The following IQCF1 variants were observed in gnomAD, a reference collection of about 807,000 sequenced individuals.
IQCF1 encodes IQ domain-containing protein F1.
Under a neutral mutation model 12.5 loss-of-function variants are expected in IQCF1, and 9 were observed. The ratio of observed to expected loss-of-function variants is 0.72; its 90% confidence interval spans 0.43 to 1.26. The LOEUF is 1.26. IQCF1 is among the 50% of genes most tolerant of loss of function. The pLI is 0.00. For synonymous variants in IQCF1, 67 were observed against 96.2 expected (o/e 0.70, Z 1.78); for missense variants, 252 against 257.4 (o/e 0.98, Z 0.14).
At position 51,894,898 on chromosome 3, in the gene IQCF1, T is replaced by A. The variant is rs780319813; in HGVS notation, c.610A>T (p.Lys204Ter). The A allele has an allele frequency of 7.4e-6, 12 of 1,613,154 alleles. No individual in the cohort carries two copies. The highest frequency in any genetic ancestry group is 9.3e-6 in the Non-Finnish European group (11 of 1,179,476). The change falls in exon 4 of 4, where the codon AAG becomes TAG. Residue 204 changes from lysine to a stop codon, truncating the protein, a stop_gained. Transcript: ENST00000310914. LOFTEE classifies it high-confidence loss of function. The stretch of plus-strand genomic sequence containing the variant: ...ATCTGGAAAAGACCACTTCATTCCT[T>A]TATTGAGAAGGGAATACACTCTGTC... ...IVTECIPFSI[K>*]E
At chr3:51,902,950 G>A (rs201563975) in intron 2 of IQCF1, 35 bp downstream of exon 2, 2 of 1,479,520 alleles carry the variant, frequency 1.4e-6, no homozygotes, top group East Asian at 4.5e-5. Context: ...ACTAGGACAT[G>A]GGATCAATGA....
In IQCF1 at chr3:51,900,789, G is replaced by C. The variant is rs557323406; in HGVS notation, c.108+2196C>G. Among the ~76,000 whole-genome samples the C allele has an allele frequency of 3.3e-5, 5 of 152,284 alleles. No homozygotes were observed. Among genetic ancestry groups the C allele is most frequent in the African/African-American group, 1.2e-4 (5 of 41,548 alleles). On this transcript the variant is annotated intron_variant, in intron 2 of 3. Coordinates refer to ENST00000310914, the MANE Select transcript of IQCF1 (RefSeq NM_152397.3). This position sits in a 1 kb window ranked among gnomAD's most constrained non-coding sequence, Gnocchi z 4.2. ...CCCACTAACTGTCAGCTAAACCAGT[G>C]CAATCCTATACAGGTTATTACCTTG...
At chr3:51,902,443 A>G (rs997741237) in intron 2 of IQCF1, among the ~76,000 whole-genome samples, 1 of 152,136 alleles carries the variant, frequency 6.6e-6, no homozygotes, top group African/African-American at 2.4e-5. Context: ...TTTGCCTTCT[A>G]CTTTTAAACT....
rs1698995925 is a variant in IQCF1 at position 51,895,758 on chromosome 3, A to G, written c.172-422T>C. Among the ~76,000 whole-genome samples, 1 of 151,930 alleles carries G rather than the reference A, an allele frequency of 6.6e-6. No homozygotes were observed. The highest frequency in any genetic ancestry group is 2.1e-4 in the South Asian group (1 of 4,814). ...CGGCCCTGCCTTCTCATCCCTGACA[A>G]CCGTTCATAGCCACAGCCTGTTCTC... On this transcript the variant is annotated intron_variant, in intron 3 of 3. Transcript: ENST00000310914. This position sits in a 1 kb window ranked among gnomAD's most constrained non-coding sequence, Gnocchi z 4.8.
Position 51,903,089 on chromosome 3 carries a change from C to A in IQCF1, c.4G>T (p.Glu2Ter). 1 of 1,613,982 alleles carries A rather than the reference C, an allele frequency of 6.2e-7. No individual in the cohort carries two copies. Among genetic ancestry groups the A allele is most frequent in the Non-Finnish European group, 8.5e-7 (1 of 1,179,852 alleles). M[E>*]EKQPQKTKEP... ...TTCGTCTTTTGGGGCTGCTTCTCCT[C>A]CTGCAATCAGCATTAGGGGAAAGGC... Residue 2 changes from glutamate to a stop codon, truncating the protein, a stop_gained and splice_region_variant, in exon 2 of 4, where the codon GAG (glutamate) becomes TAG (stop). Transcript: ENST00000310914. LOFTEE classifies it high-confidence loss of function.
chr3:51,902,947 C>T, intron 2 of IQCF1, 38 bp downstream of exon 2: 2 of 1,459,298 alleles, frequency 1.4e-6, no homozygotes, highest in East Asian at 4.5e-5. Flanking sequence ...AGCACTAGGA[C>T]ATGGGATCAA....
chr3:51,895,542 A>C lies in IQCF1; in HGVS notation c.172-206T>G, dbSNP rs546276275. 6.6e-6 allele frequency among the ~76,000 whole-genome samples: 1 copy of C among 152,322 alleles called. No homozygotes were observed. Among genetic ancestry groups the C allele is most frequent in the East Asian group, 1.9e-4 (1 of 5,178 alleles). ...CTGGTTGATAGCCACAAGCACAACAACTTGCCCCTGGGTCTCAGTGTCCTC... is the reference window on the plus strand; with the variant it reads ...CTGGTTGATAGCCACAAGCACAACACCTTGCCCCTGGGTCTCAGTGTCCTC... On this transcript the variant is annotated intron_variant, in intron 3 of 3. Transcript: ENST00000310914. This position sits in a 1 kb window ranked among gnomAD's most constrained non-coding sequence, Gnocchi z 4.8.
intron 2 of IQCF1, among the ~76,000 whole-genome samples, chr3:51,899,201 A>G (rs1699048006): frequency 6.6e-6 from 1 of 151,906 alleles, no homozygotes; most frequent in African/African-American, 2.4e-5. Flanking sequence ...AGGAAAAAAA[A>G]GGGGGTGGGG....
chr3:51,902,901 A>T (rs1414656471), intron 2 of IQCF1, 84 bp downstream of exon 2: 1 of 1,055,786 alleles, frequency 9.5e-7, no homozygotes, highest in Non-Finnish European at 1.5e-6. Context: ...CAGAAACTTC[A>T]CTTATAACAG....
In IQCF1 at chr3:51,903,299, G is replaced by T. The variant is rs1309932068; in HGVS notation, c.-27C>A. ...GGTCACATATGGATTGATTGTAGAT[G>T]GTTCAAATCCCCTCACATCTGTGTT... On this transcript the variant is annotated 5_prime_UTR_variant, in exon 1 of 4. Coordinates refer to ENST00000310914, the MANE Select transcript of IQCF1 (RefSeq NM_152397.3). The T allele has an allele frequency of 1.2e-5, 19 of 1,613,528 alleles. No homozygotes were observed. The highest frequency in any genetic ancestry group is 8.3e-5 in the Admixed American group (5 of 59,994).
At position 51,900,655 on chromosome 3, in the gene IQCF1, T is replaced by G. The variant is rs955001442; in HGVS notation, c.108+2330A>C. On this transcript the variant is annotated intron_variant, in intron 2 of 3. Coordinates refer to ENST00000310914, the MANE Select transcript of IQCF1 (RefSeq NM_152397.3). The surrounding 1 kb of genome is among the most constrained non-coding windows in gnomAD (Gnocchi z 4.2). ...CGATGTAGAGCTTTTATACCATAGT[T>G]GGTCCAGGGTTCTGTGGACCACTAA... 2.6e-5 allele frequency among the ~76,000 whole-genome samples: 4 copies of G among 152,216 alleles called. No individual in the cohort carries two copies. The highest frequency in any genetic ancestry group is 4.4e-5 in the Non-Finnish European group (3 of 68,040).
chr3:51,895,034 C>T lies in IQCF1; in HGVS notation c.474G>A (p.Trp158Ter). Residue 158 changes from tryptophan (W) to a stop codon, truncating the protein, a stop_gained, in exon 4 of 4, where the codon TGG becomes TGA. Transcript: ENST00000310914. LOFTEE classifies it low-confidence loss of function (END_TRUNC). This position sits in a 1 kb window ranked among gnomAD's most constrained non-coding sequence, Gnocchi z 4.8. Reference protein sequence around the residue: ...LNAVRIIQAYWRCRSCASRGF... With the variant: ...LNAVRIIQAY ...CCCGGGAAGCACAGGAGCGGCACCT[C>T]CAGTAAGCCTGGATGATGCGAACAG... is the stretch of plus-strand genomic sequence containing the variant. The T allele has an allele frequency of 1.2e-6, 2 of 1,614,258 alleles. No homozygotes were observed. The highest frequency in any genetic ancestry group is 1.7e-6 in the Non-Finnish European group (2 of 1,180,052).
In IQCF1 at chr3:51,900,887, G is replaced by A. The variant is rs928089944; in HGVS notation, c.108+2098C>T. On this transcript the variant is annotated intron_variant, in intron 2 of 3. Transcript: ENST00000310914. This position sits in a 1 kb window ranked among gnomAD's most constrained non-coding sequence, Gnocchi z 4.2. ...CCAGTGTTATGGTATGGGGGCTGAG[G>A]TTTCAGGGACAGACCCTATTGGATT... Among the ~76,000 whole-genome samples, 1 of 152,154 alleles carries A rather than the reference G, an allele frequency of 6.6e-6. No individual in the cohort carries two copies. The highest frequency in any genetic ancestry group is 2.4e-5 in the African/African-American group (1 of 41,424).
In IQCF1 at chr3:51,902,489, GCTCCGCCCTGACTCATTCTGATTACCTA is replaced by G. The variant is rs1262943945; in HGVS notation, c.108+468_108+495del. Among the ~76,000 whole-genome samples, 4 of 151,978 alleles carry G rather than the reference GCTCCGCCCTGACTCATTCTGATTACCTA, an allele frequency of 2.6e-5. No individual in the cohort carries two copies. The South Asian group carries it at 6.2e-4, about 24-fold the overall frequency. On this transcript the variant is annotated intron_variant, in intron 2 of 3. Transcript: ENST00000310914. ...GTAAAGCAACCTTTTTCAATTACCTGCTCCGCCCTGACTCATTCTGATTACCTACTCCCCCCTGACTCATTCCGATTAC... is the reference window on the plus strand; with the variant it reads ...GTAAAGCAACCTTTTTCAATTACCTGCTCCCCCCTGACTCATTCCGATTAC...
At chr3:51,901,654 C>T (rs1699077147) in intron 2 of IQCF1, among the ~76,000 whole-genome samples, 1 of 152,194 alleles carries the variant, frequency 6.6e-6, no homozygotes, top group Admixed American at 6.5e-5. Flanking sequence ...CCTTATGGGT[C>T]TTTTGACTCT....
In IQCF1 at chr3:51,900,943, G is replaced by A. The variant is rs188365639; in HGVS notation, c.108+2042C>T. Among the ~76,000 whole-genome samples, 22 of 152,226 alleles carry A rather than the reference G, an allele frequency of 1.4e-4. No homozygotes were observed. Among genetic ancestry groups the A allele is most frequent in the African/African-American group, 4.8e-4 (20 of 41,540 alleles). ...AAATGCATTTCTTTGAACCCCCACC[G>A]CCTGCACCTTCCTCTAAGCCTTCTT... On this transcript the variant is annotated intron_variant, in intron 2 of 3. Coordinates refer to ENST00000310914, the MANE Select transcript of IQCF1 (RefSeq NM_152397.3). This position sits in a 1 kb window ranked among gnomAD's most constrained non-coding sequence, Gnocchi z 4.2.
Position 51,895,100 on chromosome 3 carries a change from G to A in IQCF1, c.408C>T (p.Arg136=), listed in dbSNP as rs1330939204. ...WAAVTLQSQA[R]MWRIRRRYCQ... ...AATAGCGTCTGCGGATGCGCCACATGCGGGCCTGGGACTGCAGTGTGACTG... is the reference window on the plus strand; with the variant it reads ...AATAGCGTCTGCGGATGCGCCACATACGGGCCTGGGACTGCAGTGTGACTG... Residue 136 remains arginine, a synonymous_variant, in exon 4 of 4, where the codon CGC becomes CGT. Transcript: ENST00000310914. This position sits in a 1 kb window ranked among gnomAD's most constrained non-coding sequence, Gnocchi z 4.8. The A allele has an allele frequency of 6.2e-7, 1 of 1,614,132 alleles. No individual in the cohort carries two copies. The highest frequency in any genetic ancestry group is 8.5e-7 in the Non-Finnish European group (1 of 1,180,054).
chr3:51,899,267 T>A (rs745449727), intron 2 of IQCF1, among the ~76,000 whole-genome samples: 8 of 152,146 alleles, frequency 5.3e-5, no homozygotes, highest in Non-Finnish European at 1.0e-4. Context: ...TAAAATAAAT[T>A]AACTGGTTGT....
In IQCF1 at chr3:51,895,204, A is replaced by G. The variant is rs770605208; in HGVS notation, c.304T>C (p.Trp102Arg). The change falls in exon 4 of 4, where the codon TGG (tryptophan) becomes CGG (arginine). Residue 102 changes from tryptophan (W) to arginine (R), a missense_variant. Physicochemically the swap from Trp to Arg is moderately radical, Grantham distance 101 (BLOSUM62 -3). Coordinates refer to ENST00000310914, the MANE Select transcript of IQCF1 (RefSeq NM_152397.3). This position sits in a 1 kb window ranked among gnomAD's most constrained non-coding sequence, Gnocchi z 4.8. ...AGAATCTTGGACAGTATCAGCCGCCACCAGCACTGAATGATGCAGGCACTG... is the reference window on the plus strand; with the variant it reads ...AGAATCTTGGACAGTATCAGCCGCCGCCAGCACTGAATGATGCAGGCACTG... Reference protein sequence around the residue: ...ALSACIIQCWWRLILSKILKK... With the variant: ...ALSACIIQCWRRLILSKILKK... 22 of 1,614,120 alleles carry G rather than the reference A, an allele frequency of 1.4e-5. No individual in the cohort carries two copies. The highest frequency in any genetic ancestry group is 1.6e-5 in the Non-Finnish European group (19 of 1,180,034).
Sources: allele counts gnomAD v4.1 joint callset (sites outside exome capture counted in the v4.1 genomes callset), GRCh38; gene constraint gnomAD v4.1.1; non-coding constraint Gnocchi (gnomAD v3.1); transcripts MANE v1.5; gene names NCBI Gene and HGNC (gene_info 2026-07-23, HGNC 2026-07-21).